Variants in CTNNA3 observed in about 807,000 individuals in gnomAD.
The protein encoded by CTNNA3 is catenin alpha 3, also known as catenin alpha-3.
A neutral mutation model predicts 95.7 loss-of-function variants in CTNNA3; 76 were observed. The observed-to-expected ratio is 0.79, with a 90% confidence interval of 0.66 to 0.96. CTNNA3 has a LOEUF of 0.96. Among genes scored for constraint, CTNNA3 ranks in the 40% least tolerant of loss-of-function variants. The pLI is 0.00. For synonymous variants in CTNNA3, 431 were observed against 374.4 expected (o/e 1.15, Z -1.74); for missense variants, 1,191 against 1,089.8 (o/e 1.09, Z -1.31).
intron 15 of CTNNA3, among the ~76,000 whole-genome samples, chr10:66,042,698 G>A (rs1485859286): frequency 2.6e-5 from 4 of 151,666 alleles, no homozygotes; most frequent in Admixed American, 1.3e-4. Context: ...TCAGGAGTTC[G>A]AGACCAGCCT....
chr10:66,660,989 T>C (rs1846242665), intron 9 of CTNNA3, among the ~76,000 whole-genome samples: 1 of 152,158 alleles, frequency 6.6e-6, no homozygotes, highest in Non-Finnish European at 1.5e-5. Context: ...TTAGTGTGTT[T>C]TTGTTAGAGT....
chr10:67,483,100 T>C (rs1848301642), intron 5 of CTNNA3, among the ~76,000 whole-genome samples: 1 of 151,852 alleles, frequency 6.6e-6, no homozygotes, highest in South Asian at 2.1e-4. Flanking sequence ...TGGCAATCAT[T>C]AAAAGGTCAG....
intron 6 of CTNNA3, among the ~76,000 whole-genome samples, chr10:67,194,133 T>G (rs1362110946): frequency 3.3e-5 from 5 of 152,084 alleles, no homozygotes; most frequent in African/African-American, 1.2e-4. Context: ...TCTGTTCATG[T>G]CCTTTGCCCA....
chr10:66,840,389 C>T (rs2132346441), intron 7 of CTNNA3, among the ~76,000 whole-genome samples: 1 of 150,464 alleles, frequency 6.6e-6, no homozygotes, highest in African/African-American at 2.5e-5. Flanking sequence ...CACACACACA[C>T]ACACACACAC....
chr10:66,114,977 T>C (rs748591087), intron 13 of CTNNA3, among the ~76,000 whole-genome samples: 25 of 152,190 alleles, frequency 1.6e-4, no homozygotes, highest in Non-Finnish European at 8.8e-5. Flanking sequence ...ACTTTTCCTC[T>C]TTTAGTTGAT....
chr10:67,020,852 A>ATGAGAG (rs1852963530), intron 7 of CTNNA3, among the ~76,000 whole-genome samples: 1 of 152,154 alleles, frequency 6.6e-6, no homozygotes, highest in African/African-American at 2.4e-5. Flanking sequence ...AGATGAAGAG[A>ATGAGAG]TGAGAGTGAC....
chr10:66,557,208 C>A (rs1357004119), intron 10 of CTNNA3, among the ~76,000 whole-genome samples: 1 of 152,010 alleles, frequency 6.6e-6, no homozygotes, highest in Non-Finnish European at 1.5e-5. Context: ...GGAAAAGGCA[C>A]ATATGCTACA....
intron 7 of CTNNA3, among the ~76,000 whole-genome samples, chr10:66,985,231 G>A (rs376378756): frequency 1.3e-5 from 2 of 152,150 alleles, no homozygotes; most frequent in Non-Finnish European, 2.9e-5. Context: ...TAGTAAAGGG[G>A]TGATTTATAG....
chr10:67,317,730 G>A (rs1381803390), intron 5 of CTNNA3, among the ~76,000 whole-genome samples: 3 of 151,910 alleles, frequency 2.0e-5, no homozygotes, highest in Non-Finnish European at 4.4e-5. Flanking sequence ...GGCCATCATC[G>A]GGGGTTTTAA....
chr10:66,118,941 C>T (rs1166212442), intron 13 of CTNNA3, among the ~76,000 whole-genome samples: 1 of 152,028 alleles, frequency 6.6e-6, no homozygotes, highest in Admixed American at 6.6e-5. Context: ...GACAGGGTCT[C>T]CCTATGTTGC....
intron 12 of CTNNA3, among the ~76,000 whole-genome samples, chr10:66,367,876 TA>T (rs1564903216): frequency 5.9e-4 from 8 of 13,520 alleles, no homozygotes; most frequent in African/African-American, 2.0e-3. Flanking sequence ...ATAATAATAA[TA>T]ATAATTATTA....
rs1564923955 is a variant in CTNNA3, at chr10:67,148,016, A to G, written c.1047+32301T>C. On this transcript the variant is annotated intron_variant, in intron 7 of 17. Coordinates refer to ENST00000433211, the MANE Select transcript of CTNNA3 (RefSeq NM_013266.4). ...TGGTTATCACCAGGAAGTTATTAGG[A>G]CCTAACAGCATCTGAAGCTGGCCCT... 2.0e-5 allele frequency among the ~76,000 whole-genome samples: 3 copies of G among 152,304 alleles called. No individual in the cohort carries two copies. In the East Asian group the frequency reaches 5.8e-4, roughly 29 times the overall value.
At chr10:66,573,467 C>A (rs533020187) in intron 10 of CTNNA3, among the ~76,000 whole-genome samples, 1 of 152,244 alleles carries the variant, frequency 6.6e-6, no homozygotes, top group South Asian at 2.1e-4. Flanking sequence ...TGTAACACTC[C>A]AGGATTATAG....
intron 13 of CTNNA3, among the ~76,000 whole-genome samples, chr10:66,170,951 T>G (rs1370948364): frequency 6.6e-6 from 1 of 151,130 alleles, no homozygotes; most frequent in Non-Finnish European, 1.5e-5. Flanking sequence ...CCAGCCAACA[T>G]GGTGAAACCT....
At chr10:66,734,616 T>A (rs1370422713) in intron 9 of CTNNA3, among the ~76,000 whole-genome samples, 2 of 152,196 alleles carry the variant, frequency 1.3e-5, no homozygotes, top group South Asian at 2.1e-4. Context: ...GTAATCCCAG[T>A]GCTCTGGGAG....
chr10:67,110,883 C>T (rs1485370994), intron 7 of CTNNA3, among the ~76,000 whole-genome samples: 1 of 152,060 alleles, frequency 6.6e-6, no homozygotes, highest in Non-Finnish European at 1.5e-5. Context: ...GGGTCTTACA[C>T]TTATAATGAG....
chr10:66,926,245 G>A, intron 7 of CTNNA3: 1 of 477,450 alleles, frequency 2.1e-6, no homozygotes, highest in Non-Finnish European at 3.9e-6. Context: ...TCGATAAGAA[G>A]AAATTGTAGG....
intron 9 of CTNNA3, among the ~76,000 whole-genome samples, chr10:66,745,093 C>G (rs560675620): frequency 1.2e-4 from 18 of 152,250 alleles, no homozygotes; most frequent in Middle Eastern, 3.4e-3. Context: ...CCACCCCCAG[C>G]GCTTCTCAGC....
intron 5 of CTNNA3, among the ~76,000 whole-genome samples, chr10:67,426,842 T>C (rs532082739): frequency 1.1e-4 from 17 of 152,000 alleles, no homozygotes; most frequent in Non-Finnish European, 2.1e-4. Flanking sequence ...TAGTAGCAAC[T>C]TGCAAGGAAA....
Sources: gnomAD v4.1 joint callset for allele counts (sites outside exome capture counted in the v4.1 genomes callset) on GRCh38, gnomAD v4.1.1 for gene constraint, MANE v1.5 for transcripts, NCBI Gene and HGNC (gene_info 2026-07-23, HGNC 2026-07-21) for gene names.